RERE: variants seen among roughly 807,000 people sequenced by gnomAD.
The protein encoded by RERE is arginine-glutamic acid dipeptide repeats protein.
A neutral mutation model predicts 146.1 loss-of-function variants in RERE; 40 were observed. The observed-to-expected ratio is 0.27, with a 90% CI of 0.21 to 0.36. RERE has a LOEUF of 0.36. Among genes scored for constraint, RERE ranks in the 10% least tolerant of loss-of-function variants. The probability of loss-of-function intolerance (pLI) is 1.00; values close to 1 mark genes in which losing one functional copy is unlikely to be tolerated. For missense variants in RERE, 1,933 were observed against 2,138.7 expected (o/e 0.90, Z 1.90); for synonymous variants, 1,003 against 866.0 (o/e 1.16, Z -2.78).
chr1:8,481,848 C>A (rs1644837986), intron 10 of RERE, among the ~76,000 whole-genome samples: 1 of 152,136 alleles, frequency 6.6e-6, no homozygotes, highest in Non-Finnish European at 1.5e-5. Context: ...GATGAGCAGA[C>A]ATTCTTATAA....
chr1:8,795,996 AAACAAAAC>A (rs1177100744), intron 1 of RERE, among the ~76,000 whole-genome samples: 2 of 150,054 alleles, frequency 1.3e-5, no homozygotes, highest in Admixed American at 1.3e-4. Context: ...AAAAAAAAAA[AAACAAAAC>A]AAAACAGGAA....
In RERE at chr1:8,360,228, G is replaced by A; in HGVS notation, c.3279C>T (p.Ile1093=). 6.3e-7 allele frequency: 1 copy of A among 1,586,348 alleles called. No homozygotes were observed. The highest frequency in any genetic ancestry group is 1.3e-5 in the African/African-American group (1 of 74,412). The change falls in exon 18 of 23, where the codon ATC becomes ATT. Residue 1093 remains isoleucine (I), a synonymous_variant. Coordinates refer to ENST00000400908, the MANE Select transcript of RERE (RefSeq NM_001042681.2). ...GSSCPLPTVQ[I]KEEALDDAEE... is the part of the protein sequence containing the mutation. Reference sequence around the variant, plus strand: ...CAGCGTCGTCCAGAGCCTCCTCCTTGATCTGGACGGTGGGGAGTGGGCAGG... The same window carrying A: ...CAGCGTCGTCCAGAGCCTCCTCCTTAATCTGGACGGTGGGGAGTGGGCAGG...
At chr1:8,385,984 A>AAAT (rs1642631753) in intron 12 of RERE, among the ~76,000 whole-genome samples, 1 of 36,398 alleles carries the variant, frequency 2.7e-5, no homozygotes, top group South Asian at 9.7e-4. Context: ...AAAAAAAAAA[A>AAAT]AAAAAAAAAA....
At chr1:8,479,587 G>A (rs566293736) in intron 10 of RERE, among the ~76,000 whole-genome samples, 1 of 152,298 alleles carries the variant, frequency 6.6e-6, no homozygotes, top group East Asian at 1.9e-4. Context: ...AGAAGACACA[G>A]ACACACAGAA....
At chr1:8,363,375 G>C (rs1177495445) in intron 15 of RERE, among the ~76,000 whole-genome samples, 1 of 152,240 alleles carries the variant, frequency 6.6e-6, no homozygotes, top group Non-Finnish European at 1.5e-5. Context: ...GCTCAGAAGA[G>C]ATCAGGAGAC....
intron 1 of RERE, among the ~76,000 whole-genome samples, chr1:8,699,469 AAT>A (rs1255849143): frequency 6.6e-6 from 1 of 152,220 alleles, no homozygotes; most frequent in Non-Finnish European, 1.5e-5. Flanking sequence ...TTTTATTACA[AAT>A]ATTTAAGTAT....
intron 11 of RERE, among the ~76,000 whole-genome samples, chr1:8,441,368 C>T (rs938562815): frequency 6.6e-6 from 1 of 152,206 alleles, no homozygotes. Flanking sequence ...CTTCTTCTAT[C>T]CCCACCACTG....
intron 2 of RERE, among the ~76,000 whole-genome samples, chr1:8,643,033 G>C (rs1001687626): frequency 6.6e-6 from 1 of 152,186 alleles, no homozygotes; most frequent in African/African-American, 2.4e-5. Flanking sequence ...AAAGATCCCT[G>C]TCCTGCTGGA....
intron 11 of RERE, among the ~76,000 whole-genome samples, chr1:8,454,827 CA>C (rs377452423): frequency 1.3e-5 from 2 of 148,910 alleles, no homozygotes; most frequent in Non-Finnish European, 3.0e-5. Context: ...AAACAAACAA[CA>C]AAAAAAAACC....
chr1:8,355,098 T>C lies in RERE; in HGVS notation c.4690A>G (p.Lys1564Glu), dbSNP rs750669152. The change falls in exon 23 of 23, where the codon AAG becomes GAG. Residue 1564 changes from lysine to glutamate, a missense_variant. Physicochemically the swap from Lys to Glu is moderately conservative, Grantham distance 56 (BLOSUM62 1). Transcript: ENST00000400908. ...AACAAATAAATAACTTATAACTGCT[T>C]GTCACCTTCTTTCTTCAGTCGACTG... ...YYSRLKKEGD[K>E]QL 6.2e-7 allele frequency: 1 copy of C among 1,613,944 alleles called. No homozygotes were observed. Among genetic ancestry groups the C allele is most frequent in the East Asian group, 2.2e-5 (1 of 44,888 alleles).
chr1:8,650,561 G>A (rs932337766), intron 2 of RERE, among the ~76,000 whole-genome samples: 4 of 152,054 alleles, frequency 2.6e-5, no homozygotes, highest in Non-Finnish European at 5.9e-5. Flanking sequence ...TCAGGAGTTC[G>A]AGACCAGCCT....
At chr1:8,609,250 A>G (rs1646761094) in intron 4 of RERE, among the ~76,000 whole-genome samples, 1 of 151,840 alleles carries the variant, frequency 6.6e-6, no homozygotes, top group African/African-American at 2.4e-5. Context: ...AAATTAACTG[A>G]CAATTAGCTT....
At chr1:8,460,165 C>T (rs1461861079) in intron 11 of RERE, among the ~76,000 whole-genome samples, 1 of 152,110 alleles carries the variant, frequency 6.6e-6, no homozygotes, top group East Asian at 1.9e-4. Context: ...AAATAAAATT[C>T]ATTGTATTTT....
At chr1:8,715,764 TGTA>T (rs1480413501) in intron 1 of RERE, among the ~76,000 whole-genome samples, 2 of 151,572 alleles carry the variant, frequency 1.3e-5, no homozygotes, top group Non-Finnish European at 2.9e-5. Context: ...ATTAGCCAGG[TGTA>T]GTGGTGCGTG....
chr1:8,402,021 C>T (rs1051352241), intron 12 of RERE, among the ~76,000 whole-genome samples: 1 of 152,124 alleles, frequency 6.6e-6, no homozygotes, highest in Non-Finnish European at 1.5e-5. Context: ...CAGGCGTGCG[C>T]CACCACACAG....
chr1:8,393,127 A>G (rs550029125), intron 12 of RERE, among the ~76,000 whole-genome samples: 1 of 152,278 alleles, frequency 6.6e-6, no homozygotes, highest in African/African-American at 2.4e-5. Context: ...CAAGTTCCCA[A>G]AGACTCAACC....
chr1:8,381,580 G>C (rs530297129), intron 12 of RERE, among the ~76,000 whole-genome samples: 2 of 152,158 alleles, frequency 1.3e-5, no homozygotes, highest in East Asian at 3.9e-4. Flanking sequence ...AATTATTCAA[G>C]GTAATTATTA....
At chr1:8,397,824 T>G (rs1230099773) in intron 12 of RERE, among the ~76,000 whole-genome samples, 1 of 152,248 alleles carries the variant, frequency 6.6e-6, no homozygotes, top group Non-Finnish European at 1.5e-5. Context: ...TTTCAGGCTC[T>G]TTATTCTCTG....
At chr1:8,546,774 G>A (rs1480796161) in intron 6 of RERE, among the ~76,000 whole-genome samples, 1 of 151,878 alleles carries the variant, frequency 6.6e-6, no homozygotes, top group Non-Finnish European at 1.5e-5. Context: ...TTTGAACCTG[G>A]GAAGCAGAGG....
Sources: allele counts gnomAD v4.1 joint callset (sites outside exome capture counted in the v4.1 genomes callset), GRCh38; gene constraint gnomAD v4.1.1; transcripts MANE v1.5; gene names NCBI Gene and HGNC (gene_info 2026-07-23, HGNC 2026-07-21).